Variants in COBLL1 observed in about 807,000 individuals in gnomAD.
COBLL1 encodes cordon-bleu protein-like 1.
A neutral mutation model predicts 94.8 loss-of-function variants in COBLL1; 50 were observed. The ratio of observed to expected loss-of-function variants is 0.53; its 90% CI spans 0.42 to 0.67. COBLL1 has a LOEUF of 0.67. COBLL1 is among the 30% of genes least tolerant of loss of function. The probability of loss-of-function intolerance (pLI) is 0.00; values close to 1 mark genes in which losing one functional copy is unlikely to be tolerated. For synonymous variants in COBLL1, 448 were observed against 473.8 expected (o/e 0.95, Z 0.71); for missense variants, 1,362 against 1,348.7 (o/e 1.01, Z -0.15).
chr2:164,670,262 A>G (rs1691223549), intron 1 of COBLL1, among the ~76,000 whole-genome samples: 1 of 152,206 alleles, frequency 6.6e-6, no homozygotes, highest in South Asian at 2.1e-4. Flanking sequence ...AGTCCTTCCC[A>G]TCAGAATATA....
At chr2:164,712,548 T>G (rs1553470649) in intron 7 of COBLL1, among the ~76,000 whole-genome samples, 1 of 152,116 alleles carries the variant, frequency 6.6e-6, no homozygotes, top group Non-Finnish European at 1.5e-5. Context: ...TATTTGCTAT[T>G]GTGTCCCAAT....
In COBLL1 at chr2:164,779,111, T is replaced by C. The variant is rs74426991; in HGVS notation, c.42-35236A>G. ...TGAGATCAATTGCTTGTTGTTGTTG[T>C]TGTTGTTGTTTTGTTTTTCCCTATC... On this transcript the variant is annotated intron_variant, in intron 2 of 13. Coordinates refer to ENST00000652658, the MANE Select transcript of COBLL1 (RefSeq NM_001365672.2). Among the ~76,000 whole-genome samples the C allele has an allele frequency of 3.7e-3, 559 of 152,088 alleles. 7 individuals carry two copies. Among genetic ancestry groups the C allele is most frequent in the African/African-American group, 0.012 (512 of 41,486 alleles).
rs1553479390 is a variant in COBLL1, at chr2:164,796,725, A to AC, written c.41+44430_41+44431insG. On this transcript the variant is annotated intron_variant, in intron 2 of 13. Transcript: ENST00000652658. ...CCTTCCAAAAAAAAAAAAAAAAAAAAAGGAGAGGGAAGGTCAAGGGGGAAG... is the reference window on the plus strand; with the variant it reads ...CCTTCCAAAAAAAAAAAAAAAAAAAACAGGAGAGGGAAGGTCAAGGGGGAAG... 4.0e-4 allele frequency among the ~76,000 whole-genome samples: 57 copies of AC among 143,824 alleles called. No homozygotes were observed. The East Asian group carries it at 8.3e-3, about 21-fold the overall frequency. The allele number at this position is 143,824 out of a possible 152,430, so 94.4% of individuals were successfully genotyped here.
intron 2 of COBLL1, among the ~76,000 whole-genome samples, chr2:164,815,033 T>G (rs924341340): frequency 6.6e-6 from 1 of 152,218 alleles, no homozygotes; most frequent in Non-Finnish European, 1.5e-5. Flanking sequence ...GGGCAGACAC[T>G]GAAATCACTA....
chr2:164,666,385 C>T (rs1032723295), intron 1 of COBLL1, among the ~76,000 whole-genome samples: 2 of 152,188 alleles, frequency 1.3e-5, no homozygotes, highest in African/African-American at 4.8e-5. Flanking sequence ...TGCTAACGAT[C>T]ATCTGAATCT....
intron 2 of COBLL1, among the ~76,000 whole-genome samples, chr2:164,811,119 A>G (rs1009072440): frequency 6.6e-6 from 1 of 151,948 alleles, no homozygotes; most frequent in African/African-American, 2.4e-5. Context: ...CTGGGAGTTC[A>G]AAAGAAGAGT....
intron 7 of COBLL1, among the ~76,000 whole-genome samples, chr2:164,707,664 C>G (rs1466400741): frequency 6.6e-6 from 1 of 152,016 alleles, no homozygotes; most frequent in Non-Finnish European, 1.5e-5. Flanking sequence ...ATGTCTGGCT[C>G]ACAGAGGGTT....
At chr2:164,769,839 A>G (rs1688122736) in intron 2 of COBLL1, among the ~76,000 whole-genome samples, 1 of 152,178 alleles carries the variant, frequency 6.6e-6, no homozygotes, top group Non-Finnish European at 1.5e-5. Flanking sequence ...CTTTGGGTAA[A>G]GAAATAAGTA....
rs890533289 is a variant in COBLL1, at chr2:164,685,190, A to C, written c.*756T>G. The C allele has an allele frequency of 2.0e-5, 3 of 152,188 alleles. No individual in the cohort carries two copies. Among genetic ancestry groups the C allele is most frequent in the Non-Finnish European group, 4.4e-5 (3 of 68,028 alleles). 9.4% of individuals were successfully genotyped at this position (152,188 alleles called of 1,614,324 possible). On this transcript the variant is annotated 3_prime_UTR_variant, in exon 14 of 14. Coordinates refer to ENST00000652658, the MANE Select transcript of COBLL1 (RefSeq NM_001365672.2). ...CACAATATATCAGCATTTTCACAGA[A>C]AGATGTTTAAGGCTTCTGGCACATA...
rs781349668 is a variant in COBLL1 at position 164,716,498 on chromosome 2, T to C, written c.996+5577A>G. ...ATTCACCTTCATAGGAAAAATGACA[T>C]GAGACTTGAAATAATGTGAAAGAGG... On this transcript the variant is annotated intron_variant, in intron 7 of 13. Transcript: ENST00000652658. Among the ~76,000 whole-genome samples, 102 of 152,258 alleles carry C rather than the reference T, an allele frequency of 6.7e-4. No homozygotes were observed. The Middle Eastern group carries it at 0.024, about 36-fold the overall frequency.
chr2:164,790,515 G>A (rs998768124), intron 2 of COBLL1, among the ~76,000 whole-genome samples: 2 of 152,044 alleles, frequency 1.3e-5, no homozygotes, highest in African/African-American at 2.4e-5. Flanking sequence ...AATGTCACAC[G>A]CAATCTTGTT....
At chr2:164,784,221 T>C (rs1432895596) in intron 2 of COBLL1, among the ~76,000 whole-genome samples, 1 of 152,178 alleles carries the variant, frequency 6.6e-6, no homozygotes, top group African/African-American at 2.4e-5. Context: ...TATGCATGTT[T>C]TATATGTTTT....
At chr2:164,725,101 G>GATATATATATATATAT (rs760164549) in intron 5 of COBLL1, 23 of 76,292 alleles carry the variant, frequency 3.0e-4, no homozygotes, top group Admixed American at 2.3e-3. Flanking sequence ...TACCCTGCAG[G>GATATATATATATATAT]ATATATATAT....
At chr2:164,808,207 C>T (rs1317952694) in intron 2 of COBLL1, among the ~76,000 whole-genome samples, 1 of 152,164 alleles carries the variant, frequency 6.6e-6, no homozygotes, top group Non-Finnish European at 1.5e-5. Context: ...TTCCTTCTGA[C>T]CCAATCTGTA....
At chr2:164,818,176 A>G (rs1156966424) in intron 2 of COBLL1, among the ~76,000 whole-genome samples, 2 of 150,044 alleles carry the variant, frequency 1.3e-5, no homozygotes, top group African/African-American at 4.9e-5. Context: ...ACATGCACGT[A>G]TACACGTATA....
At chr2:164,801,469 A>AAAAAAAAAAAAAAAAAT (rs1683797649) in intron 2 of COBLL1, among the ~76,000 whole-genome samples, 1 of 128,152 alleles carries the variant, frequency 7.8e-6, no homozygotes, top group African/African-American at 3.0e-5. Context: ...AAAAAAAAAA[A>AAAAAAAAAAAAAAAAAT]GCTTAGCTAA....
At chr2:164,761,127 G>A (rs1218200054) in intron 2 of COBLL1, among the ~76,000 whole-genome samples, 1 of 152,162 alleles carries the variant, frequency 6.6e-6, no homozygotes, top group Admixed American at 6.5e-5. Flanking sequence ...TGCAAATACT[G>A]GCCAGGCACG....
chr2:164,829,886 T>C (rs1682985162), intron 2 of COBLL1, among the ~76,000 whole-genome samples: 1 of 152,206 alleles, frequency 6.6e-6, no homozygotes, highest in Admixed American at 6.5e-5. Context: ...ATCTCCCTTC[T>C]CAAATCCTAA....
At chr2:164,704,555 T>C in intron 8 of COBLL1, 37 bp from the exon 9 acceptor site, 1 of 1,491,720 alleles carries the variant, frequency 6.7e-7, no homozygotes, top group Non-Finnish European at 9.4e-7. Flanking sequence ...TAAAGTCATA[T>C]TCACAAATAA....
Sources: allele counts gnomAD v4.1 joint callset (sites outside exome capture counted in the v4.1 genomes callset), GRCh38; gene constraint gnomAD v4.1.1; transcripts MANE v1.5; gene names NCBI Gene and HGNC (gene_info 2026-07-23, HGNC 2026-07-21).